Variants in PPWD1 observed in about 807,000 individuals in gnomAD.
The protein encoded by PPWD1 is peptidylprolyl isomerase domain and WD repeat containing 1, also known as peptidylprolyl isomerase domain and WD repeat-containing protein 1.
PPWD1 carries 43 observed loss-of-function variants against 68.8 expected under a neutral mutation model. That is an observed-to-expected ratio of 0.62 (90% confidence interval 0.49 to 0.81). The LOEUF is 0.81. Ranked by LOEUF, PPWD1 falls within the 30% of genes least tolerant of loss-of-function variation. PPWD1 has a pLI of 0.00. For missense variants in PPWD1, 672 were observed against 804.8 expected (o/e 0.83, Z 2.00); for synonymous variants, 232 against 258.7 (o/e 0.90, Z 0.99).
At chr5:65,565,575 G>A (rs992421191) in intron 1 of PPWD1, among the ~76,000 whole-genome samples, 2 of 151,902 alleles carry the variant, frequency 1.3e-5, no homozygotes, top group East Asian at 1.9e-4. Flanking sequence ...AGGCTGAGGC[G>A]GGCAGATCAT....
chr5:65,576,061 C>T (rs1309229202), intron 5 of PPWD1, among the ~76,000 whole-genome samples: 1 of 152,156 alleles, frequency 6.6e-6, no homozygotes, highest in African/African-American at 2.4e-5. Context: ...GTGTAAAATA[C>T]AAGATTTCAA....
intron 10 of PPWD1, among the ~76,000 whole-genome samples, chr5:65,586,614 T>A (rs1753861522): frequency 6.6e-6 from 1 of 152,174 alleles, no homozygotes; most frequent in African/African-American, 2.4e-5. Flanking sequence ...TAAGGTAACC[T>A]AGCTCTATTG....
chr5:65,566,029 T>C (rs1752739566), intron 1 of PPWD1, among the ~76,000 whole-genome samples: 1 of 152,214 alleles, frequency 6.6e-6, no homozygotes. Context: ...TATAGCACTA[T>C]ATCTCTTCAG....
At chr5:65,574,594 G>A (rs1753197367) in intron 5 of PPWD1, among the ~76,000 whole-genome samples, 1 of 151,254 alleles carries the variant, frequency 6.6e-6, no homozygotes, top group Non-Finnish European at 1.5e-5. Context: ...CTCCCGAGTA[G>A]CTGGGACTAC....
chr5:65,583,101 A>T lies in PPWD1; in HGVS notation c.1414A>T (p.Lys472Ter). Reference protein sequence around the residue: ...ADSDRDVFNEKPSKEEVMAAT... With the variant: ...ADSDRDVFNE ...TTCTGATCGAGATGTTTTTAATGAG[A>T]AACCTTCTAAAGAAGAAGTCATGGC... is the stretch of plus-strand genomic sequence containing the variant. Residue 472 changes from lysine to a stop codon, truncating the protein, a stop_gained, in exon 8 of 11, where the codon AAA becomes TAA. Transcript: ENST00000261308. LOFTEE classifies it high-confidence loss of function. 1 of 1,613,202 alleles carries T rather than the reference A, an allele frequency of 6.2e-7. No individual in the cohort carries two copies. Among genetic ancestry groups the T allele is most frequent in the Non-Finnish European group, 8.5e-7 (1 of 1,179,710 alleles).
chr5:65,570,630 C>G (rs1752969739), intron 4 of PPWD1, among the ~76,000 whole-genome samples: 1 of 152,010 alleles, frequency 6.6e-6, no homozygotes, highest in Non-Finnish European at 1.5e-5. Context: ...AATCTATTTT[C>G]TCACAGTTCT....
intron 9 of PPWD1, 94 bp downstream of exon 9, chr5:65,585,189 T>A: frequency 1.6e-6 from 2 of 1,261,628 alleles, no homozygotes; most frequent in South Asian, 1.4e-5. Context: ...TCACACTTAA[T>A]CAGTTTAGTG....
intron 5 of PPWD1, 46 bp downstream of exon 5, chr5:65,572,332 CTTTAT>C (rs760294449): frequency 1.3e-6 from 2 of 1,493,146 alleles, no homozygotes; most frequent in African/African-American, 1.4e-5. Flanking sequence ...TCTAAAAATG[CTTTAT>C]TTTATGCCTT....
chr5:65,580,217 T>G (rs1480263737), intron 7 of PPWD1, among the ~76,000 whole-genome samples: 1 of 152,204 alleles, frequency 6.6e-6, no homozygotes, highest in South Asian at 2.1e-4. Flanking sequence ...TAGAGACCTA[T>G]GCCCTTGCAT....
At chr5:65,579,709 C>A in intron 7 of PPWD1, 96 bp downstream of exon 7, 1 of 855,338 alleles carries the variant, frequency 1.2e-6, no homozygotes, top group African/African-American at 1.8e-5. Context: ...AATGTTGGCA[C>A]TAATAGCAGA....
chr5:65,579,444 A>C lies in PPWD1; in HGVS notation c.1181A>C (p.Lys394Thr). 1.3e-6 allele frequency: 2 copies of C among 1,564,826 alleles called. No individual in the cohort carries two copies. Among genetic ancestry groups the C allele is most frequent in the Non-Finnish European group, 1.7e-6 (2 of 1,159,846 alleles). Reference protein sequence around the residue: ...ETNRCVRILGKQENIRVMQLA... With the variant: ...ETNRCVRILGTQENIRVMQLA... The stretch of plus-strand genomic sequence containing the variant: ...TTTAGGTGTGTGCGGATTTTAGGCA[A>C]ACAAGAAAATATTAGAGTGATGCAA... Residue 394 changes from lysine to threonine, a missense_variant, in exon 7 of 11, where the codon AAA becomes ACA. Transcript: ENST00000261308.
chr5:65,586,301 A>G, intron 10 of PPWD1, 120 bp downstream of exon 10: 2 of 986,170 alleles, frequency 2.0e-6, no homozygotes. Flanking sequence ...ATCTAGCAGA[A>G]TACAAATATG....
At chr5:65,569,435 G>A (rs1752917536) in intron 2 of PPWD1, 197 bp from the exon 3 acceptor site, 3 of 424,272 alleles carry the variant, frequency 7.1e-6, no homozygotes, top group East Asian at 4.8e-5. Flanking sequence ...TAGTACAGCT[G>A]TAACTGTTTT....
chr5:65,571,829 A>G lies in PPWD1; in HGVS notation c.522-10A>G, dbSNP rs1753018443. 1 of 1,607,036 alleles carries G rather than the reference A, an allele frequency of 6.2e-7. No individual in the cohort carries two copies. The highest frequency in any genetic ancestry group is 1.1e-5 in the South Asian group (1 of 90,622). On this transcript the variant is annotated splice_polypyrimidine_tract_variant and intron_variant, in intron 4 of 10. Coordinates refer to ENST00000261308, the MANE Select transcript of PPWD1 (RefSeq NM_015342.4). ...CTTTTTTTTTCCCTCTCAATTCTTT[A>G]CGATTTTAGCTATTTTCCTGGACAG... is the stretch of plus-strand genomic sequence containing the variant.
rs773233272 is a variant in PPWD1 at position 65,563,378 on chromosome 5, A to G, written c.68A>G (p.Glu23Gly). 1 of 1,614,140 alleles carries G rather than the reference A, an allele frequency of 6.2e-7. No homozygotes were observed. Among genetic ancestry groups the G allele is most frequent in the South Asian group, 1.1e-5 (1 of 91,084 alleles). Reference sequence around the variant, plus strand: ...AGGCGCCGGGACCCGGAGGAACCGGAAAAAACAGAACTCAGCGAAAGAGAG... The same window carrying G: ...AGGCGCCGGGACCCGGAGGAACCGGGAAAAACAGAACTCAGCGAAAGAGAG... ...RRRRRDPEEP[E>G]KTELSERELA... The change falls in exon 1 of 11, where the codon GAA (glutamate) becomes GGA (glycine). Residue 23 changes from glutamate to glycine, a missense_variant. Around this residue, in one of 2 missense-constraint regions of PPWD1, gnomAD observed 188 missense variants for 158.6 expected, o/e 1.19. Coordinates refer to ENST00000261308, the MANE Select transcript of PPWD1 (RefSeq NM_015342.4).
chr5:65,563,603 T>C (rs1225493741), intron 1 of PPWD1, 97 bp downstream of exon 1: 3 of 1,456,090 alleles, frequency 2.1e-6, no homozygotes, highest in Non-Finnish European at 2.8e-6. Flanking sequence ...TGTGGAGTTT[T>C]GTGCCCTCAG....
intron 7 of PPWD1, 31 bp from the exon 8 acceptor site, chr5:65,583,007 C>A: frequency 1.4e-6 from 2 of 1,473,806 alleles, no homozygotes; most frequent in South Asian, 1.5e-5. Flanking sequence ...AACTTTAATT[C>A]GTTGACTCAC....
intron 6 of PPWD1, among the ~76,000 whole-genome samples, chr5:65,578,784 G>GTATATA (rs372704895): frequency 7.4e-6 from 1 of 135,390 alleles, no homozygotes; most frequent in African/African-American, 2.8e-5. Flanking sequence ...ATATATATGT[G>GTATATA]TATATATATA....
chr5:65,582,277 G>A lies in PPWD1; in HGVS notation c.1351-761G>A, dbSNP rs912500907. On this transcript the variant is annotated intron_variant, in intron 7 of 10. Transcript: ENST00000261308. ...AAGTCCAGAGTTTTAACAACTGAAA[G>A]GTTTTTCTCAATTCTTCCTAGACCC... Among the ~76,000 whole-genome samples the A allele has an allele frequency of 3.3e-5, 5 of 152,200 alleles. No individual in the cohort carries two copies. In the East Asian group the frequency reaches 9.6e-4, roughly 29 times the overall value.
Sources: allele counts gnomAD v4.1 joint callset (sites outside exome capture counted in the v4.1 genomes callset), GRCh38; gene constraint gnomAD v4.1.1; regional missense constraint gnomAD v4.1.1; transcripts MANE v1.5; gene names NCBI Gene and HGNC (gene_info 2026-07-23, HGNC 2026-07-21).